Variants in NME7 observed in about 807,000 individuals in gnomAD.
NME7 encodes NME/NM23 family member 7, also known as nucleoside diphosphate kinase 7.
A neutral mutation model predicts 49.1 loss-of-function variants in NME7; 41 were observed. The observed-to-expected ratio is 0.83, with a 90% CI of 0.65 to 1.08. The LOEUF is 1.08. NME7 is among the 50% of genes least tolerant of loss of function. The probability of loss-of-function intolerance (pLI) is 0.00; values close to 1 mark genes in which losing one functional copy is unlikely to be tolerated. For synonymous variants in NME7, 139 were observed against 150.6 expected, an observed-to-expected ratio of 0.92 and a Z score of 0.56; for missense variants, 423 against 463.4, an observed-to-expected ratio of 0.91 and a Z score of 0.80.
intron 11 of NME7, among the ~76,000 whole-genome samples, chr1:169,140,325 A>C (rs1227492845): frequency 6.6e-6 from 1 of 152,140 alleles, no homozygotes; most frequent in African/African-American, 2.4e-5. Flanking sequence ...GAGTTGGAAG[A>C]ATTGAGTTTT....
chr1:169,354,250 T>C (rs1298920216), intron 1 of NME7, among the ~76,000 whole-genome samples: 2 of 152,082 alleles, frequency 1.3e-5, no homozygotes, highest in African/African-American at 4.8e-5. Flanking sequence ...AAAAACATAA[T>C]GGAATTAAAG....
At chr1:169,319,843 G>T (rs1029694090) in intron 3 of NME7, among the ~76,000 whole-genome samples, 2 of 152,108 alleles carry the variant, frequency 1.3e-5, no homozygotes, top group African/African-American at 2.4e-5. Context: ...TTGCTTTCTG[G>T]CTGAGACTCA....
chr1:169,247,096 C>T (rs1015340880), intron 7 of NME7: 1 of 456,064 alleles, frequency 2.2e-6, no homozygotes, highest in South Asian at 1.5e-5. Flanking sequence ...GCAAAGGAAG[C>T]TAAGAACAGC....
intron 1 of NME7, among the ~76,000 whole-genome samples, chr1:169,355,184 AT>A (rs1653386466): frequency 2.4e-5 from 1 of 42,070 alleles, no homozygotes; most frequent in African/African-American, 8.6e-5. Flanking sequence ...AATATACTAT[AT>A]ATTATAGATA....
chr1:169,362,985 A>G (rs1001488588), intron 1 of NME7, among the ~76,000 whole-genome samples: 1 of 152,078 alleles, frequency 6.6e-6, no homozygotes, highest in Non-Finnish European at 1.5e-5. Context: ...CATAAACATA[A>G]TCCCAACACT....
intron 10 of NME7, among the ~76,000 whole-genome samples, chr1:169,173,858 T>A (rs998304479): frequency 6.6e-6 from 1 of 152,176 alleles, no homozygotes; most frequent in African/African-American, 2.4e-5. Context: ...AGTACCAACA[T>A]ATAATTTCAT....
At chr1:169,279,422 A>C (rs1217357220) in intron 7 of NME7, among the ~76,000 whole-genome samples, 1 of 152,166 alleles carries the variant, frequency 6.6e-6, no homozygotes, top group East Asian at 1.9e-4. Context: ...CTTGCTGCCA[A>C]CTTGCAGTTT....
chr1:169,318,086 T>C lies in NME7; in HGVS notation c.278+5031A>G, dbSNP rs79728903. 6.2e-3 allele frequency among the ~76,000 whole-genome samples: 944 copies of C among 152,274 alleles called. 10 individuals are homozygous for C. Among genetic ancestry groups the C allele is most frequent in the African/African-American group, 0.021 (889 of 41,552 alleles). On this transcript the variant is annotated intron_variant, in intron 3 of 11. Transcript: ENST00000367811. Reference sequence around the variant, plus strand: ...CTAGTGCTCTCTCTCCTGTGCTCCATGGGCTGGGAGGCAGGATGAGAACCC... The same window carrying C: ...CTAGTGCTCTCTCTCCTGTGCTCCACGGGCTGGGAGGCAGGATGAGAACCC...
rs567172318 is a variant in NME7 at position 169,235,186 on chromosome 1, C to G, written c.833G>C (p.Arg278Pro). 1.3e-6 allele frequency: 2 copies of G among 1,538,800 alleles called. No individual in the cohort carries two copies. Among genetic ancestry groups the G allele is most frequent in the Non-Finnish European group, 1.8e-6 (2 of 1,125,062 alleles). Residue 278 changes from arginine to proline, a missense_variant, in exon 9 of 12, where the codon CGG (arginine) becomes CCG (proline). Arg to Pro is a moderately radical substitution (Grantham distance 103). Coordinates refer to ENST00000367811, the MANE Select transcript of NME7 (RefSeq NM_013330.5). ...ISAMQMFNMD[R>P]VNVEEFYEVY... is the part of the protein sequence containing the mutation. Reference sequence around the variant, plus strand: ...TTCATAGAATTCCTCAACATTAACCCGATCCATATTGAACTATATTAAAAA... The same window carrying G: ...TTCATAGAATTCCTCAACATTAACCGGATCCATATTGAACTATATTAAAAA...
At position 169,274,093 on chromosome 1, in the gene NME7, G is replaced by C. The variant is rs1210269397; in HGVS notation, c.754+13210C>G. 1.5e-5 allele frequency among the ~76,000 whole-genome samples: 2 copies of C among 130,416 alleles called. 1 individual carries two copies. Among genetic ancestry groups the C allele is most frequent in the Non-Finnish European group, 3.6e-5 (2 of 55,628 alleles). The allele number at this position is 130,416 out of a possible 152,430, so 85.6% of individuals were successfully genotyped here. ...TTACAGTCCCACCAACAGTGTAAAA[G>C]TGTTCCTATTTCTCCACATCCTCTC... On this transcript the variant is annotated intron_variant, in intron 7 of 11. Transcript: ENST00000367811.
chr1:169,331,812 A>T (rs1034289714), intron 1 of NME7, among the ~76,000 whole-genome samples: 4 of 21,000 alleles, frequency 1.9e-4, no homozygotes, highest in African/African-American at 2.5e-4. Flanking sequence ...AATTTGAAAA[A>T]GACCAAAAAA....
chr1:169,136,543 G>C (rs1478605682), intron 11 of NME7, among the ~76,000 whole-genome samples: 1 of 152,132 alleles, frequency 6.6e-6, no homozygotes, highest in Non-Finnish European at 1.5e-5. Context: ...AAACACACTA[G>C]GTCCTCATGA....
At chr1:169,255,560 T>G (rs1298715118) in intron 7 of NME7, among the ~76,000 whole-genome samples, 1 of 127,160 alleles carries the variant, frequency 7.9e-6, no homozygotes, top group Non-Finnish European at 1.7e-5. Context: ...TTAGTCCATT[T>G]ACATTTAAAG....
intron 11 of NME7, among the ~76,000 whole-genome samples, chr1:169,138,213 A>C (rs539770766): frequency 2.3e-4 from 35 of 152,316 alleles, no homozygotes; most frequent in African/African-American, 7.5e-4. Context: ...AGGGAGGCTG[A>C]GGCAGGAGAA....
chr1:169,154,055 T>C (rs1658992663), intron 11 of NME7, among the ~76,000 whole-genome samples: 1 of 151,942 alleles, frequency 6.6e-6, no homozygotes, highest in Non-Finnish European at 1.5e-5. Context: ...CACTCTGTCA[T>C]CCAGCTGGAG....
Position 169,256,427 on chromosome 1 carries a change from G to A in NME7, c.755-18740C>T, listed in dbSNP as rs898423802. On this transcript the variant is annotated intron_variant, in intron 7 of 11. Transcript: ENST00000367811. ...TTTTCAGCTCCATCAGCTCCTTTAA[G>A]CACTTCTCTGTATTGGTTATTCTAG... 3.3e-4 allele frequency among the ~76,000 whole-genome samples: 44 copies of A among 133,378 alleles called. 5 individuals carry two copies. The highest frequency in any genetic ancestry group is 1.1e-3 in the African/African-American group (43 of 39,472). 87.5% of individuals were successfully genotyped at this position (133,378 alleles called of 152,430 possible).
chr1:169,238,476 G>GGC (rs1553249005), intron 7 of NME7, among the ~76,000 whole-genome samples: 1 of 79,114 alleles, frequency 1.3e-5, no homozygotes, highest in East Asian at 3.6e-4. Context: ...CATGCACAAA[G>GGC]GCACACACAC....
intron 7 of NME7, among the ~76,000 whole-genome samples, chr1:169,251,975 G>C (rs1176909667): frequency 6.7e-6 from 1 of 149,750 alleles, no homozygotes; most frequent in Non-Finnish European, 1.5e-5. Flanking sequence ...GGACATTTGG[G>C]TTGGTTCCAA....
rs1236768127 is a variant in NME7, at chr1:169,287,152, T to TTA, written c.754+149_754+150dup. 9.2e-6 allele frequency: 6 copies of TTA among 650,186 alleles called. No homozygotes were observed. The Admixed American group carries it at 1.1e-4, about 12-fold the overall frequency. The allele number at this position is 650,186 out of a possible 1,614,324, so 40.3% of individuals were successfully genotyped here. A position where few individuals can be genotyped will look rare whatever the true frequency, so the allele number is the denominator to read the frequency against. ...AATAGAGATTTAGACAGATTTTCCC[T>TTA]TATATTTTGTCACCTTTACTCAAGT... On this transcript the variant is annotated intron_variant, in intron 7 of 11. Transcript: ENST00000367811.
Sources: gnomAD v4.1 joint callset for allele counts (sites outside exome capture counted in the v4.1 genomes callset) on GRCh38, gnomAD v4.1.1 for gene constraint, MANE v1.5 for transcripts, NCBI Gene and HGNC (gene_info 2026-07-23, HGNC 2026-07-21) for gene names.